The following GRIA1 variants were observed in gnomAD, a reference collection of about 807,000 sequenced individuals.
GRIA1 encodes the protein glutamate receptor 1.
Under a neutral mutation model 99.2 loss-of-function variants are expected in GRIA1, and 31 were observed. That is an observed-to-expected ratio of 0.31 (90% CI 0.23 to 0.42). The LOEUF (loss-of-function observed/expected upper bound fraction) is 0.42, where lower values mean the gene tolerates loss of function less well. Among genes scored for constraint, GRIA1 ranks in the 10% least tolerant of loss-of-function variants. The pLI, the probability that GRIA1 is intolerant of heterozygous loss-of-function variation, is 1.00. For synonymous variants in GRIA1, 438 were observed against 432.4 expected, an observed-to-expected ratio of 1.01 and a Z score of -0.16; for missense variants, 782 against 1,157.5, an observed-to-expected ratio of 0.68 and a Z score of 4.71.
At position 153,631,825 on chromosome 5, in the gene GRIA1, C is replaced by T. The variant is rs1329850530; in HGVS notation, c.221-15103C>T. ...ACAAACTAAATGTTGTGACCGAGAA[C>T]AGCAGGATGACCTGCTTAAGGTGGT... On this transcript the variant is annotated intron_variant, in intron 2 of 15. Coordinates refer to ENST00000285900, the MANE Select transcript of GRIA1 (RefSeq NM_000827.4). Among the ~76,000 whole-genome samples, 3 of 152,056 alleles carry T rather than the reference C, an allele frequency of 2.0e-5. No individual in the cohort carries two copies. The South Asian group carries it at 6.2e-4, about 32-fold the overall frequency.
At chr5:153,532,195 A>T (rs926977115) in intron 2 of GRIA1, among the ~76,000 whole-genome samples, 3 of 152,132 alleles carry the variant, frequency 2.0e-5, no homozygotes, top group Non-Finnish European at 4.4e-5. Flanking sequence ...TTCCCCAAAG[A>T]TCATCCCCAA....
chr5:153,802,588 G>C, intron 15 of GRIA1, 98 bp downstream of exon 15: 2 of 1,243,762 alleles, frequency 1.6e-6, no homozygotes, highest in South Asian at 1.3e-5. Flanking sequence ...AATGACAGGT[G>C]GTTGAGGTCA....
At chr5:153,695,852 T>C (rs1450347166) in intron 8 of GRIA1, among the ~76,000 whole-genome samples, 2 of 152,334 alleles carry the variant, frequency 1.3e-5, no homozygotes, top group South Asian at 2.1e-4. Flanking sequence ...GGGTGCACCA[T>C]GTCCATGCTG....
At chr5:153,772,701 G>A (rs1763960650) in intron 13 of GRIA1, among the ~76,000 whole-genome samples, 1 of 152,158 alleles carries the variant, frequency 6.6e-6, no homozygotes, top group Non-Finnish European at 1.5e-5. Flanking sequence ...TTTGAGCAAA[G>A]TTCAAAGGGG....
At chr5:153,682,726 G>A (rs1436324146) in intron 7 of GRIA1, among the ~76,000 whole-genome samples, 2 of 152,086 alleles carry the variant, frequency 1.3e-5, no homozygotes, top group Admixed American at 6.5e-5. Flanking sequence ...ATTCAGAGTT[G>A]AGCCCAATCT....
chr5:153,492,064 T>G, intron 1 of GRIA1: 24 of 1,205,176 alleles, frequency 2.0e-5, no homozygotes, highest in African/African-American at 3.1e-5. Flanking sequence ...TCTTCGTTGG[T>G]TTGGTTTCTA....
intron 11 of GRIA1, among the ~76,000 whole-genome samples, chr5:153,741,916 T>C (rs1317618419): frequency 7.3e-6 from 1 of 137,728 alleles, no homozygotes; most frequent in Admixed American, 7.5e-5. Flanking sequence ...TCTTAACGTA[T>C]AAAACTAAAG....
chr5:153,505,321 G>A (rs143258643), intron 2 of GRIA1, among the ~76,000 whole-genome samples: 57 of 147,930 alleles, frequency 3.9e-4, no homozygotes, highest in African/African-American at 1.3e-3. Context: ...ATTATTATTT[G>A]GCAATTATTT....
intron 2 of GRIA1, among the ~76,000 whole-genome samples, chr5:153,561,615 G>GA (rs1227810757): frequency 1.3e-5 from 2 of 150,160 alleles, no homozygotes; most frequent in South Asian, 4.3e-4. Context: ...AGAAATGGGG[G>GA]AAAAAAAGCT....
Position 153,613,709 on chromosome 5 carries a change from A to C in GRIA1, c.221-33219A>C, listed in dbSNP as rs1054031075. On this transcript the variant is annotated intron_variant, in intron 2 of 15. Coordinates refer to ENST00000285900, the MANE Select transcript of GRIA1 (RefSeq NM_000827.4). ...CCTAACACTTTTCCCAGAAACAGCCACTTTTTTTTTTTTGTCAGCCATCAT... is the reference window on the plus strand; with the variant it reads ...CCTAACACTTTTCCCAGAAACAGCCCCTTTTTTTTTTTTGTCAGCCATCAT... Among the ~76,000 whole-genome samples, 12 of 139,124 alleles carry C rather than the reference A, an allele frequency of 8.6e-5. 1 individual carries two copies. The highest frequency in any genetic ancestry group is 1.5e-4 in the Non-Finnish European group (9 of 61,142). The allele number at this position is 139,124 out of a possible 152,430, so 91.3% of individuals were successfully genotyped here. A position where few individuals can be genotyped will look rare whatever the true frequency, so the allele number is the denominator to read the frequency against.
chr5:153,677,741 C>T (rs1756691685), intron 7 of GRIA1, among the ~76,000 whole-genome samples: 1 of 152,214 alleles, frequency 6.6e-6, no homozygotes, highest in Non-Finnish European at 1.5e-5. Flanking sequence ...CCAGATACAA[C>T]AGAGAGAAGC....
chr5:153,652,997 C>G (rs1468507024), intron 4 of GRIA1, among the ~76,000 whole-genome samples: 2 of 152,094 alleles, frequency 1.3e-5, no homozygotes, highest in Non-Finnish European at 2.9e-5. Flanking sequence ...AGGAAAAAAA[C>G]AGTGACTCAA....
intron 2 of GRIA1, among the ~76,000 whole-genome samples, chr5:153,549,592 A>G (rs1353732335): frequency 6.6e-6 from 1 of 152,180 alleles, no homozygotes; most frequent in Non-Finnish European, 1.5e-5. Flanking sequence ...CAAGGCAACA[A>G]CATCCAAAAA....
chr5:153,534,604 G>T (rs1289853142), intron 2 of GRIA1, among the ~76,000 whole-genome samples: 2 of 152,230 alleles, frequency 1.3e-5, no homozygotes, highest in Non-Finnish European at 2.9e-5. Flanking sequence ...TGTATTGGTA[G>T]TTGCTCACAG....
At chr5:153,633,265 T>A (rs1300425539) in intron 2 of GRIA1, among the ~76,000 whole-genome samples, 1 of 152,234 alleles carries the variant, frequency 6.6e-6, no homozygotes, top group Non-Finnish European at 1.5e-5. Flanking sequence ...TCTTCCTTGC[T>A]TACTGTTTCC....
At chr5:153,572,014 C>T (rs1043129449) in intron 2 of GRIA1, among the ~76,000 whole-genome samples, 1 of 152,164 alleles carries the variant, frequency 6.6e-6, no homozygotes, top group African/African-American at 2.4e-5. Flanking sequence ...TAACTGGTTA[C>T]CCTTAGATAG....
At chr5:153,507,789 C>T (rs913207427) in intron 2 of GRIA1, among the ~76,000 whole-genome samples, 1 of 152,206 alleles carries the variant, frequency 6.6e-6, no homozygotes, top group African/African-American at 2.4e-5. Context: ...TAAGTTCAAA[C>T]TCAGACTAAA....
chr5:153,545,703 C>G (rs1759551650), intron 2 of GRIA1, among the ~76,000 whole-genome samples: 1 of 152,196 alleles, frequency 6.6e-6, no homozygotes, highest in African/African-American at 2.4e-5. Context: ...CATACGGTCT[C>G]TGTCACAATT....
chr5:153,573,535 G>C (rs1218164683), intron 2 of GRIA1, among the ~76,000 whole-genome samples: 3 of 152,098 alleles, frequency 2.0e-5, no homozygotes, highest in Admixed American at 1.3e-4. Context: ...ATACCAAAAG[G>C]AGTGTCCAGG....
Sources: gnomAD v4.1 joint callset for allele counts (sites outside exome capture counted in the v4.1 genomes callset) on GRCh38, gnomAD v4.1.1 for gene constraint, MANE v1.5 for transcripts, NCBI Gene and HGNC (gene_info 2026-07-23, HGNC 2026-07-21) for gene names.